The following PRKAG2 variants were observed in gnomAD, a reference collection of about 807,000 sequenced individuals.
The protein encoded by PRKAG2 is protein kinase AMP-activated non-catalytic subunit gamma 2.
In PRKAG2, 26 loss-of-function variants were observed where a neutral mutation model predicts 69.6. The ratio of observed to expected loss-of-function variants is 0.37; its 90% confidence interval spans 0.27 to 0.52. PRKAG2 has a LOEUF of 0.52. Among genes scored for constraint, PRKAG2 ranks in the 20% least tolerant of loss-of-function variants. The probability of loss-of-function intolerance (pLI) is 0.90; values close to 1 mark genes in which losing one functional copy is unlikely to be tolerated. For synonymous variants in PRKAG2, 293 were observed against 285.0 expected (o/e 1.03, Z -0.28); for missense variants, 557 against 740.0 (o/e 0.75, Z 2.87).
chr7:151,585,064 C>A (rs1404665615), intron 6 of PRKAG2, among the ~76,000 whole-genome samples: 2 of 151,998 alleles, frequency 1.3e-5, no homozygotes, highest in African/African-American at 4.8e-5. Flanking sequence ...AAGCGAGAGC[C>A]ACAAAAGCTT....
rs112224076 is a variant in PRKAG2, at chr7:151,668,918, G to A, written c.684+6502C>T. Among the ~76,000 whole-genome samples, 95 of 152,346 alleles carry A rather than the reference G, an allele frequency of 6.2e-4. 1 individual carries two copies. Among genetic ancestry groups the A allele is most frequent in the African/African-American group, 2.1e-3 (87 of 41,584 alleles). On this transcript the variant is annotated intron_variant, in intron 4 of 15. Transcript: ENST00000287878. ...GGAGAAAAAGATGGGGAGCATGGGA[G>A]TGACTGCTGTGGAAGGAAATTGGAA... is the stretch of plus-strand genomic sequence containing the variant.
chr7:151,704,010 C>T (rs1391319000), intron 3 of PRKAG2, among the ~76,000 whole-genome samples: 2 of 151,408 alleles, frequency 1.3e-5, no homozygotes, highest in East Asian at 1.9e-4. Context: ...TGCAGTGAGC[C>T]GAGATTGCGC....
intron 5 of PRKAG2, among the ~76,000 whole-genome samples, chr7:151,602,131 G>C (rs76550327): frequency 6.6e-6 from 1 of 152,232 alleles, no homozygotes; most frequent in African/African-American, 2.4e-5. Flanking sequence ...AGCCGCATGC[G>C]CAGTCTCCTC....
At chr7:151,753,896 T>C (rs1023152302) in intron 3 of PRKAG2, among the ~76,000 whole-genome samples, 3 of 152,016 alleles carry the variant, frequency 2.0e-5, no homozygotes, top group Non-Finnish European at 2.9e-5. Flanking sequence ...TAGCCGGGCA[T>C]GATGGTGCAC....
At chr7:151,757,559 G>C (rs868027748) in intron 3 of PRKAG2, among the ~76,000 whole-genome samples, 1 of 152,136 alleles carries the variant, frequency 6.6e-6, no homozygotes, top group African/African-American at 2.4e-5. Flanking sequence ...ACATGACCTC[G>C]GTCATAATTG....
intron 1 of PRKAG2, among the ~76,000 whole-genome samples, chr7:151,855,315 ACCCTCCCACACACCG>A (rs2079719710): frequency 0.012 from 5 of 410 alleles, no homozygotes; most frequent in African/African-American, 0.015. Context: ...CACACACACC[ACCCTCCCACACACCG>A]CCCTCCACAC....
chr7:151,727,192 G>A (rs60519554), intron 3 of PRKAG2, among the ~76,000 whole-genome samples: 2,940 of 151,354 alleles, frequency 0.019, 153 homozygotes, highest in East Asian at 0.16. Context: ...TCCAGCCTGG[G>A]CAACGAGAGC....
chr7:151,649,761 A>G (rs1026809531), intron 4 of PRKAG2, among the ~76,000 whole-genome samples: 1 of 152,102 alleles, frequency 6.6e-6, no homozygotes, highest in Non-Finnish European at 1.5e-5. Context: ...ACCTTCTGCC[A>G]TGATTATAAT....
At chr7:151,735,080 T>C (rs1799561365) in intron 3 of PRKAG2, among the ~76,000 whole-genome samples, 1 of 152,148 alleles carries the variant, frequency 6.6e-6, no homozygotes, top group African/African-American at 2.4e-5. Flanking sequence ...GGTCTCGAAC[T>C]CCTGACCTCA....
intron 3 of PRKAG2, among the ~76,000 whole-genome samples, chr7:151,688,215 G>A (rs1262865719): frequency 1.3e-5 from 2 of 152,134 alleles, no homozygotes; most frequent in African/African-American, 4.8e-5. Flanking sequence ...GGCAGGATGG[G>A]GCCAGAATAT....
chr7:151,715,943 G>C (rs76770821), intron 3 of PRKAG2, among the ~76,000 whole-genome samples: 1 of 152,066 alleles, frequency 6.6e-6, no homozygotes, highest in African/African-American at 2.4e-5. Flanking sequence ...TTTTCGAGAG[G>C]CACTTTTATA....
chr7:151,811,473 T>C (rs2151853419), intron 1 of PRKAG2, among the ~76,000 whole-genome samples: 1 of 152,364 alleles, frequency 6.6e-6, no homozygotes, highest in South Asian at 2.1e-4. Flanking sequence ...GTGCTTGTGA[T>C]TCCATTCTAT....
intron 1 of PRKAG2, among the ~76,000 whole-genome samples, chr7:151,837,851 C>T (rs913726431): frequency 2.0e-5 from 3 of 152,178 alleles, no homozygotes; most frequent in Non-Finnish European, 4.4e-5. Flanking sequence ...AGAGTTCCCG[C>T]CCCCTGCAAC....
intron 3 of PRKAG2, among the ~76,000 whole-genome samples, chr7:151,776,990 G>A (rs542402360): frequency 4.2e-4 from 64 of 152,120 alleles, no homozygotes; most frequent in African/African-American, 1.2e-3. Context: ...GAGGCCTCCC[G>A]AAGGTACAGC....
intron 3 of PRKAG2, among the ~76,000 whole-genome samples, chr7:151,688,524 G>C (rs1396332933): frequency 1.3e-5 from 2 of 152,164 alleles, no homozygotes; most frequent in Admixed American, 1.3e-4. Flanking sequence ...CCTCTTTCAG[G>C]GAGGCCTCCA....
chr7:151,631,644 T>C (rs1169952883), intron 5 of PRKAG2: 1 of 455,980 alleles, frequency 2.2e-6, no homozygotes, highest in African/African-American at 2.0e-5. Context: ...CTACCGGTCA[T>C]ATCTTCACAG....
chr7:151,591,086 C>T (rs1813010294), intron 6 of PRKAG2, among the ~76,000 whole-genome samples: 1 of 152,228 alleles, frequency 6.6e-6, no homozygotes, highest in South Asian at 2.1e-4. Flanking sequence ...CCAGAGGACA[C>T]TCCCTCCTGG....
chr7:151,711,044 T>G (rs897172676), intron 3 of PRKAG2, among the ~76,000 whole-genome samples: 6 of 152,004 alleles, frequency 3.9e-5, no homozygotes, highest in African/African-American at 1.2e-4. Context: ...GTGCTAGGCT[T>G]AGAGTACTGA....
intron 4 of PRKAG2, among the ~76,000 whole-genome samples, chr7:151,663,499 A>T (rs919660609): frequency 6.6e-6 from 1 of 152,144 alleles, no homozygotes; most frequent in African/African-American, 2.4e-5. Flanking sequence ...AGTAGCTGGG[A>T]CTACAGGCGT....
Sources: gnomAD v4.1 joint callset for allele counts (sites outside exome capture counted in the v4.1 genomes callset) on GRCh38, gnomAD v4.1.1 for gene constraint, MANE v1.5 for transcripts, NCBI Gene and HGNC (gene_info 2026-07-23, HGNC 2026-07-21) for gene names.